The following PRDM10 variants were observed in gnomAD, a reference collection of about 807,000 sequenced individuals.
PRDM10 encodes the protein PR/SET domain 10, also known as PR domain zinc finger protein 10.
Under a neutral mutation model 133.1 loss-of-function variants are expected in PRDM10, and 65 were observed. The observed-to-expected ratio is 0.49, with a 90% CI of 0.40 to 0.60. The LOEUF (loss-of-function observed/expected upper bound fraction) is 0.60. Among genes scored for constraint, PRDM10 ranks in the 20% least tolerant of loss-of-function variants. The pLI is 0.00. For synonymous variants in PRDM10, 582 were observed against 580.4 expected (o/e 1.00, Z -0.04); for missense variants, 1,137 against 1,507.1 (o/e 0.75, Z 4.07).
intron 10 of PRDM10, among the ~76,000 whole-genome samples, 184 bp downstream of exon 10, chr11:129,931,918 T>G (rs1950881557): frequency 6.6e-6 from 1 of 152,204 alleles, no homozygotes; most frequent in Admixed American, 6.5e-5. Flanking sequence ...GTTTTTGTTG[T>G]AGGTAACACT....
At chr11:129,967,154 G>A (rs1354023062) in intron 1 of PRDM10, among the ~76,000 whole-genome samples, 2 of 152,172 alleles carry the variant, frequency 1.3e-5, no homozygotes, top group African/African-American at 4.8e-5. Flanking sequence ...ACTTTGGGAG[G>A]CCGAGGTGGG....
At chr11:129,994,530 C>A (rs113524448) in intron 1 of PRDM10, among the ~76,000 whole-genome samples, 1 of 151,366 alleles carries the variant, frequency 6.6e-6, no homozygotes, top group South Asian at 2.1e-4. Flanking sequence ...CCCAGCTACT[C>A]GGTTGGCTGA....
intron 2 of PRDM10, among the ~76,000 whole-genome samples, chr11:129,958,661 A>C (rs953318190): frequency 6.6e-6 from 1 of 152,126 alleles, no homozygotes; most frequent in African/African-American, 2.4e-5. Flanking sequence ...AAAATAAAAT[A>C]AAATCAGGTC....
intron 7 of PRDM10, among the ~76,000 whole-genome samples, chr11:129,941,730 C>T (rs1211537531): frequency 3.3e-5 from 5 of 152,176 alleles, no homozygotes; most frequent in African/African-American, 9.7e-5. Flanking sequence ...AAAATAGGCA[C>T]GGTGTTAGAT....
At chr11:130,002,185 G>A (rs952106002) in intron 1 of PRDM10, among the ~76,000 whole-genome samples, 3 of 148,004 alleles carry the variant, frequency 2.0e-5, no homozygotes, top group Non-Finnish European at 4.5e-5. Flanking sequence ...GGCCGGCGGA[G>A]ACCTGCCCGC....
At chr11:129,912,320 C>A in intron 17 of PRDM10, 95 bp from the exon 18 acceptor site, 3 of 1,305,970 alleles carry the variant, frequency 2.3e-6, no homozygotes, top group South Asian at 3.5e-5. Flanking sequence ...AAAACAATAT[C>A]CTGGCCGGGT....
chr11:129,903,339 T>TAAA (rs1265529598), intron 20 of PRDM10, among the ~76,000 whole-genome samples: 4 of 137,022 alleles, frequency 2.9e-5, no homozygotes, highest in African/African-American at 1.1e-4. Flanking sequence ...ATAATAATAA[T>TAAA]AAATGGTTCC....
Position 129,945,086 on chromosome 11 carries a change from C to T in PRDM10, c.521-74G>A. 4 of 1,559,384 alleles carry T rather than the reference C, an allele frequency of 2.6e-6. No individual in the cohort carries two copies. The highest frequency in any genetic ancestry group is 3.5e-6 in the Non-Finnish European group (4 of 1,153,498). ...CTTGATGTGAGGTAAAAAATTCTGA[C>T]CCGAAAAATCCCCGTCTGCATTTTC... On this transcript the variant is annotated intron_variant, in intron 5 of 20. Coordinates refer to ENST00000360871, the MANE Select transcript of PRDM10 (RefSeq NM_199437.2). The surrounding 1 kb of genome is among the most constrained non-coding windows in gnomAD (Gnocchi z 4.2).
In PRDM10 at chr11:129,941,525, G is replaced by A. The variant is rs541003015; in HGVS notation, c.966+901C>T. Among the ~76,000 whole-genome samples, 6 of 152,238 alleles carry A rather than the reference G, an allele frequency of 3.9e-5. No individual in the cohort carries two copies. The South Asian group carries it at 1.0e-3, about 26-fold the overall frequency. On this transcript the variant is annotated intron_variant, in intron 7 of 20. Coordinates refer to ENST00000360871, the MANE Select transcript of PRDM10 (RefSeq NM_199437.2). Reference sequence around the variant, plus strand: ...ATGGAGTGTGTAAATGAAGTTAACCGACATCTTTAATCACTCCGTCACAGA... The same window carrying A: ...ATGGAGTGTGTAAATGAAGTTAACCAACATCTTTAATCACTCCGTCACAGA...
intron 1 of PRDM10, among the ~76,000 whole-genome samples, chr11:129,985,377 C>A (rs755478249): frequency 2.6e-5 from 4 of 151,908 alleles, no homozygotes; most frequent in Admixed American, 6.6e-5. Flanking sequence ...GGGGAAAATG[C>A]AATTGATAGA....
chr11:129,995,053 A>G (rs1382972929), intron 1 of PRDM10, among the ~76,000 whole-genome samples: 1 of 152,240 alleles, frequency 6.6e-6, no homozygotes, highest in Non-Finnish European at 1.5e-5. Flanking sequence ...GTTTTGTAGT[A>G]ATGTAACATC....
chr11:129,912,080 G>A lies in PRDM10; in HGVS notation c.2982+5C>T, dbSNP rs1191198398. ...CACCTCCAAATAGTCTGTGGAGCAGGGTACCTGGGCGGAGGACGGGGCCGA... is the reference window on the plus strand; with the variant it reads ...CACCTCCAAATAGTCTGTGGAGCAGAGTACCTGGGCGGAGGACGGGGCCGA... On this transcript the variant is annotated splice_donor_5th_base_variant and intron_variant, in intron 18 of 20. Coordinates refer to ENST00000360871, the MANE Select transcript of PRDM10 (RefSeq NM_199437.2). The A allele has an allele frequency of 6.3e-7, 1 of 1,599,892 alleles. No individual in the cohort carries two copies. Among genetic ancestry groups the A allele is most frequent in the South Asian group, 1.1e-5 (1 of 89,040 alleles).
At chr11:129,940,774 A>G (rs1248986244) in intron 7 of PRDM10, among the ~76,000 whole-genome samples, 1 of 152,240 alleles carries the variant, frequency 6.6e-6, no homozygotes, top group Non-Finnish European at 1.5e-5. Flanking sequence ...TCATTTGTCC[A>G]TCTGGGTGCA....
At chr11:129,905,521 C>T (rs980202639) in intron 20 of PRDM10, 117 bp downstream of exon 20, 1 of 803,908 alleles carries the variant, frequency 1.2e-6, no homozygotes, top group Non-Finnish European at 2.1e-6. Context: ...TCAAAGAATT[C>T]ATCATCTACT....
intron 6 of PRDM10, among the ~76,000 whole-genome samples, chr11:129,944,095 G>A (rs1227254681): frequency 6.6e-6 from 1 of 152,236 alleles, no homozygotes; most frequent in Non-Finnish European, 1.5e-5. Flanking sequence ...AGGACAGTGA[G>A]AAGGTGGCTT....
Position 129,923,478 on chromosome 11 carries a change from C to T in PRDM10, c.1879-75G>A. The T allele has an allele frequency of 4.1e-6, 6 of 1,464,198 alleles. No homozygotes were observed. The highest frequency in any genetic ancestry group is 5.5e-6 in the Non-Finnish European group (6 of 1,098,482). 90.7% of individuals were successfully genotyped at this position (1,464,198 alleles called of 1,614,324 possible). A position where few individuals can be genotyped will look rare whatever the true frequency, so the allele number is the denominator to read the frequency against. ...AATGACCAAAGGCAGCTTGTCAACG[C>T]TAGAGGGAGCCAAACGCATTACCAT... On this transcript the variant is annotated intron_variant, in intron 12 of 20. Coordinates refer to ENST00000360871, the MANE Select transcript of PRDM10 (RefSeq NM_199437.2). The surrounding 1 kb of genome is among the most constrained non-coding windows in gnomAD (Gnocchi z 4.4).
At chr11:129,928,435 G>A (rs1279561923) in intron 11 of PRDM10, among the ~76,000 whole-genome samples, 1 of 152,108 alleles carries the variant, frequency 6.6e-6, no homozygotes, top group Non-Finnish European at 1.5e-5. Flanking sequence ...CATTGCCCAG[G>A]CTGGAGTGCA....
In PRDM10 at chr11:129,912,045, G is replaced by T. The variant is rs761008382; in HGVS notation, c.2982+40C>A. On this transcript the variant is annotated intron_variant, in intron 18 of 20. Transcript: ENST00000360871. Reference sequence around the variant, plus strand: ...CTCATTAACTCTGATAATCCCTGAAGCCATGATAACACCTCCAAATAGTCT... The same window carrying T: ...CTCATTAACTCTGATAATCCCTGAATCCATGATAACACCTCCAAATAGTCT... 5.9e-6 allele frequency: 9 copies of T among 1,528,904 alleles called. No individual in the cohort carries two copies. The Admixed American group carries it at 1.8e-4, about 30-fold the overall frequency. 94.7% of individuals were successfully genotyped at this position (1,528,904 alleles called of 1,614,324 possible).
chr11:129,931,721 T>G (rs1376984452), intron 10 of PRDM10, among the ~76,000 whole-genome samples: 1 of 151,966 alleles, frequency 6.6e-6, no homozygotes, highest in African/African-American at 2.4e-5. Context: ...CGCCCGCCAC[T>G]GCACCCAGCT....
Sources: gnomAD v4.1 joint callset for allele counts (sites outside exome capture counted in the v4.1 genomes callset) on GRCh38, gnomAD v4.1.1 for gene constraint, Gnocchi (gnomAD v3.1) non-coding constraint, MANE v1.5 for transcripts, NCBI Gene and HGNC (gene_info 2026-07-23, HGNC 2026-07-21) for gene names.